Variants in C10orf143 observed in about 807,000 individuals in gnomAD.
The protein encoded by C10orf143 is uncharacterized protein C10orf143.
chr10:130,102,802 C>A (rs1344628224), intron 1 of C10orf143, among the ~76,000 whole-genome samples: 1 of 152,018 alleles, frequency 6.6e-6, no homozygotes, highest in East Asian at 1.9e-4. Flanking sequence ...TATGAAATCA[C>A]CTTTTATATC....
intron 3 of C10orf143, among the ~76,000 whole-genome samples, chr10:130,049,795 T>C (rs955816184): frequency 1.3e-5 from 2 of 152,164 alleles, no homozygotes; most frequent in Admixed American, 6.5e-5. Context: ...GTTTTTAGAA[T>C]TGGAAGACCT....
At chr10:130,081,112 G>A (rs1861200766) in intron 1 of C10orf143, among the ~76,000 whole-genome samples, 1 of 152,076 alleles carries the variant, frequency 6.6e-6, no homozygotes, top group Non-Finnish European at 1.5e-5. Flanking sequence ...AAAATCAAGT[G>A]ATTCTGAAAG....
chr10:130,063,314 A>G (rs1285170610), downstream of C10orf143, among the ~76,000 whole-genome samples: 1 of 152,244 alleles, frequency 6.6e-6, no homozygotes, highest in African/African-American at 2.4e-5. Context: ...CGTAAAAATT[A>G]GACGTGTATC....
At chr10:130,101,564 G>A (rs1449252156) in intron 1 of C10orf143, among the ~76,000 whole-genome samples, 7 of 151,948 alleles carry the variant, frequency 4.6e-5, no homozygotes, top group Non-Finnish European at 1.0e-4. Context: ...TTCAAAATAA[G>A]GATAAAATTA....
At chr10:130,100,097 A>G (rs1405300134) in intron 1 of C10orf143, among the ~76,000 whole-genome samples, 1 of 151,414 alleles carries the variant, frequency 6.6e-6, no homozygotes, top group Non-Finnish European at 1.5e-5. Flanking sequence ...CAGCCTCCCA[A>G]AGTGCTGGGA....
At chr10:130,046,947 T>G (rs557657855) in intron 3 of C10orf143, among the ~76,000 whole-genome samples, 1 of 152,330 alleles carries the variant, frequency 6.6e-6, no homozygotes, top group East Asian at 1.9e-4. Context: ...GCGTGCACAC[T>G]TGCTTTTTAA....
intron 3 of C10orf143, among the ~76,000 whole-genome samples, chr10:130,069,530 GTCTA>G (rs765126902): frequency 1.1e-4 from 17 of 152,160 alleles, no homozygotes; most frequent in Non-Finnish European, 2.1e-4. Context: ...GTAAGTAAGA[GTCTA>G]TCTATTTTTG....
intron 3 of C10orf143, among the ~76,000 whole-genome samples, chr10:130,053,881 A>G (rs1288539468): frequency 2.0e-5 from 3 of 152,214 alleles, no homozygotes; most frequent in Non-Finnish European, 4.4e-5. Context: ...AAGGCCCCTT[A>G]GGGACCATGC....
intron 3 of C10orf143, among the ~76,000 whole-genome samples, chr10:130,049,453 T>C (rs1029497298): frequency 6.6e-6 from 1 of 152,162 alleles, no homozygotes; most frequent in Non-Finnish European, 1.5e-5. Context: ...ACAAGCATGG[T>C]GTGCGGCAGA....
At position 130,044,686 on chromosome 10, in the gene C10orf143, G is replaced by GT. The variant is rs541420375; in HGVS notation, c.298-8717dup. Among the ~76,000 whole-genome samples the GT allele has an allele frequency of 2.8e-4, 43 of 152,300 alleles. No individual in the cohort carries two copies. In the East Asian group the frequency reaches 7.2e-3, roughly 25 times the overall value. ...CTTCTGATGGAAGGGGTGCGTGCAA[G>GT]TTGCCAGCATGATGGAAGGGAAATC... On this transcript the variant is annotated intron_variant and NMD_transcript_variant, in intron 3 of 5. Transcript: ENST00000643056.
At chr10:130,107,729 A>G in intron 1 of C10orf143, 1 of 1,236,642 alleles carries the variant, frequency 8.1e-7, no homozygotes, top group Non-Finnish European at 1.2e-6. Context: ...AGGCCCAGGG[A>G]ATCCTCTGGA....
intron 3 of C10orf143, among the ~76,000 whole-genome samples, chr10:130,040,318 G>C (rs1860591755): frequency 6.6e-6 from 1 of 152,222 alleles, no homozygotes; most frequent in South Asian, 2.1e-4. Context: ...TATATGGACA[G>C]AGCAGTCTGA....
intron 3 of C10orf143, among the ~76,000 whole-genome samples, chr10:130,046,022 T>C (rs892122199): frequency 5.6e-5 from 8 of 142,184 alleles, no homozygotes; most frequent in African/African-American, 2.1e-4. Context: ...GTGGGGCACG[T>C]GGCACAGAGG....
At chr10:130,109,304 A>G (rs1171728) in intron 1 of C10orf143, among the ~76,000 whole-genome samples, 140,451 of 152,222 alleles carry the variant, frequency 0.92, 64,879 homozygotes, top group East Asian at 0.97. Context: ...CTGGTAGCAC[A>G]GTAGCAGTGA....
chr10:130,110,457 A>G (rs555486835), intron 1 of C10orf143, among the ~76,000 whole-genome samples: 69 of 152,294 alleles, frequency 4.5e-4, no homozygotes, highest in African/African-American at 1.5e-3. Context: ...CGTGTGGGTC[A>G]GGAAGGTGCC....
chr10:130,044,570 C>T (rs1241083148), intron 3 of C10orf143, among the ~76,000 whole-genome samples: 2 of 152,148 alleles, frequency 1.3e-5, no homozygotes, highest in African/African-American at 2.4e-5. Flanking sequence ...GCTAAGGGCT[C>T]GGAAAGGCAT....
At chr10:130,098,551 A>AAC (rs1173164507) in intron 1 of C10orf143, among the ~76,000 whole-genome samples, 1 of 152,132 alleles carries the variant, frequency 6.6e-6, no homozygotes, top group East Asian at 1.9e-4. Flanking sequence ...TTCTCAGTTA[A>AAC]ACACACACAC....
At chr10:130,078,350 C>T (rs569996468) in intron 3 of C10orf143, among the ~76,000 whole-genome samples, 3 of 152,188 alleles carry the variant, frequency 2.0e-5, no homozygotes, top group East Asian at 1.9e-4. Context: ...AAGAAGGCAC[C>T]GGTCAGTCAT....
At chr10:130,044,881 A>G (rs537921661) in intron 3 of C10orf143, among the ~76,000 whole-genome samples, 1 of 152,238 alleles carries the variant, frequency 6.6e-6, no homozygotes, top group Non-Finnish European at 1.5e-5. Flanking sequence ...ACCAACAGCA[A>G]TGCCCAGCCC....
Sources: allele counts gnomAD v4.1 joint callset (sites outside exome capture counted in the v4.1 genomes callset), GRCh38; gene constraint gnomAD v4.1.1; transcripts MANE v1.5; gene names NCBI Gene and HGNC (gene_info 2026-07-23, HGNC 2026-07-21).